Variants in TENM3 observed in about 807,000 individuals in gnomAD.
TENM3 encodes teneurin transmembrane protein 3.
A neutral mutation model predicts 255.1 loss-of-function variants in TENM3; 63 were observed. The ratio of observed to expected loss-of-function variants is 0.25; its 90% CI spans 0.20 to 0.30. TENM3 has a LOEUF of 0.30. TENM3 is among the 10% of genes least tolerant of loss of function. TENM3 has a pLI of 1.00. For synonymous variants in TENM3, 1,306 were observed against 1,322.3 expected (o/e 0.99, Z 0.27); for missense variants, 2,929 against 3,461.1 (o/e 0.85, Z 3.86).
chr4:182,385,296 G>T (rs542566216), intron 3 of TENM3, among the ~76,000 whole-genome samples: 1 of 117,448 alleles, frequency 8.5e-6, no homozygotes, highest in Non-Finnish European at 1.6e-5. Context: ...ACGGCGTCTC[G>T]CTCTGTCACT....
Position 182,367,458 on chromosome 4 carries a change from T to C in TENM3, c.511+20529T>C, listed in dbSNP as rs184907761. ...GCGATGAACAATGAATGGACTATATTACGATGAGCTTGGAATTGATGAGTC... is the reference window on the plus strand; with the variant it reads ...GCGATGAACAATGAATGGACTATATCACGATGAGCTTGGAATTGATGAGTC... On this transcript the variant is annotated intron_variant, in intron 3 of 27. Transcript: ENST00000511685. 7.9e-5 allele frequency among the ~76,000 whole-genome samples: 12 copies of C among 152,258 alleles called. No homozygotes were observed. The East Asian group carries it at 2.3e-3, about 29-fold the overall frequency.
chr4:181,643,397 T>C, the TENM3 span, among the ~76,000 whole-genome samples: 1 of 152,192 alleles, frequency 6.6e-6, no homozygotes, highest in East Asian at 1.9e-4. Context: ...TGAGCTGAAA[T>C]GGTAGGGTTT....
intron 2 of TENM3, among the ~76,000 whole-genome samples, chr4:182,328,718 G>A (rs1162706839): frequency 1.3e-5 from 2 of 151,992 alleles, no homozygotes; most frequent in Non-Finnish European, 2.9e-5. Context: ...CCCCTCTTTG[G>A]GCCGTGCCGT....
the TENM3 span, among the ~76,000 whole-genome samples, chr4:182,031,845 T>C: frequency 6.6e-6 from 1 of 152,208 alleles, no homozygotes; most frequent in Non-Finnish European, 1.5e-5. Context: ...ATGATTTGGC[T>C]CTGTACTTGT....
chr4:182,115,760 C>T, the TENM3 span, among the ~76,000 whole-genome samples: 5 of 152,186 alleles, frequency 3.3e-5, no homozygotes, highest in East Asian at 1.9e-4. Context: ...TTCTCTGGTC[C>T]GTACTATCCA....
chr4:182,527,774 CTG>C (rs1452337438), intron 3 of TENM3, among the ~76,000 whole-genome samples: 3 of 152,104 alleles, frequency 2.0e-5, no homozygotes, highest in Non-Finnish European at 4.4e-5. Flanking sequence ...TGTCACCAGG[CTG>C]GAGTACAGCG....
At chr4:182,060,890 G>A in the TENM3 span, among the ~76,000 whole-genome samples, 2 of 152,196 alleles carry the variant, frequency 1.3e-5, no homozygotes, top group Non-Finnish European at 2.9e-5. Flanking sequence ...GCAGGTATAT[G>A]CATTCCCCAG....
chr4:182,659,389 T>C (rs978801200), intron 6 of TENM3, among the ~76,000 whole-genome samples: 9 of 152,194 alleles, frequency 5.9e-5, no homozygotes, highest in African/African-American at 2.2e-4. Flanking sequence ...GTTCTATTAG[T>C]ATCTTTTTCT....
intron 3 of TENM3, among the ~76,000 whole-genome samples, chr4:182,387,606 G>A (rs1768052205): frequency 2.6e-5 from 4 of 151,914 alleles, no homozygotes; most frequent in Admixed American, 6.6e-5. Context: ...TGTAACACTC[G>A]CCACGAAGAT....
chr4:182,155,056 A>G (rs1429462552), intron 1 of TENM3, among the ~76,000 whole-genome samples: 2 of 152,178 alleles, frequency 1.3e-5, no homozygotes, highest in African/African-American at 4.8e-5. Flanking sequence ...TGTTTATATC[A>G]GTTCTCATTT....
At chr4:182,283,988 C>T (rs1396271903) in intron 1 of TENM3, among the ~76,000 whole-genome samples, 1 of 152,146 alleles carries the variant, frequency 6.6e-6, no homozygotes, top group Non-Finnish European at 1.5e-5. Flanking sequence ...TGCATTACCT[C>T]AACGCTACTT....
chr4:181,837,877 C>T, the TENM3 span, among the ~76,000 whole-genome samples: 1 of 152,138 alleles, frequency 6.6e-6, no homozygotes, highest in African/African-American at 2.4e-5. Flanking sequence ...TGGTGGCTCA[C>T]GCCTATAATC....
At chr4:181,921,732 C>T in the TENM3 span, among the ~76,000 whole-genome samples, 1 of 152,108 alleles carries the variant, frequency 6.6e-6, no homozygotes, top group Non-Finnish European at 1.5e-5. Context: ...TTATTTCCTT[C>T]TCCTGACTAA....
At chr4:182,627,616 G>A (rs990421269) in intron 4 of TENM3, among the ~76,000 whole-genome samples, 6 of 152,234 alleles carry the variant, frequency 3.9e-5, no homozygotes, top group East Asian at 1.9e-4. Flanking sequence ...TAGGAACATC[G>A]TAATAAGTGT....
chr4:182,068,477 TC>T, the TENM3 span, among the ~76,000 whole-genome samples: 1 of 151,586 alleles, frequency 6.6e-6, no homozygotes, highest in Admixed American at 6.6e-5. Context: ...GCAATAAACA[TC>T]TTTTGGTTCC....
chr4:182,497,808 T>C lies in TENM3; in HGVS notation c.512-103116T>C, dbSNP rs552588576. On this transcript the variant is annotated intron_variant, in intron 3 of 27. Transcript: ENST00000511685. Reference sequence around the variant, plus strand: ...ATAGATTATGTAGACACGTGATGTATATATATATGTAGCATATACCCCATC... The same window carrying C: ...ATAGATTATGTAGACACGTGATGTACATATATATGTAGCATATACCCCATC... Among the ~76,000 whole-genome samples, 379 of 150,482 alleles carry C rather than the reference T, an allele frequency of 2.5e-3. 4 individuals are homozygous for C. Among genetic ancestry groups the C allele is most frequent in the African/African-American group, 9.0e-3 (366 of 40,584 alleles).
chr4:182,697,833 C>G (rs1208543772), intron 12 of TENM3: 1 of 152,148 alleles, frequency 6.6e-6, no homozygotes, highest in Non-Finnish European at 1.5e-5. Flanking sequence ...AAATGCAAAC[C>G]TGGTTCCTCT....
intron 3 of TENM3, among the ~76,000 whole-genome samples, chr4:182,532,915 T>C (rs1739917273): frequency 6.6e-6 from 1 of 152,236 alleles, no homozygotes; most frequent in Non-Finnish European, 1.5e-5. Context: ...CGGTACTCAC[T>C]ATATAATATG....
the TENM3 span, among the ~76,000 whole-genome samples, chr4:181,532,260 C>T: frequency 0.31 from 46,704 of 151,892 alleles, 8,404 homozygotes; most frequent in South Asian, 0.44. Context: ...CAAAATTGGG[C>T]TTTAGGACTA....
Sources: allele counts gnomAD v4.1 joint callset (sites outside exome capture counted in the v4.1 genomes callset), GRCh38; gene constraint gnomAD v4.1.1; transcripts MANE v1.5; gene names NCBI Gene and HGNC (gene_info 2026-07-23, HGNC 2026-07-21).